CNTLN: variants seen among roughly 807,000 people sequenced by gnomAD.
CNTLN encodes the protein centlein.
A neutral mutation model predicts 180.0 loss-of-function variants in CNTLN; 212 were observed. That is an observed-to-expected ratio of 1.18 (90% CI 1.05 to 1.32). The LOEUF is 1.32. Among genes scored for constraint, CNTLN ranks in the 40% most tolerant of loss-of-function variants. The pLI, the probability that CNTLN is intolerant of heterozygous loss-of-function variation, is 0.00. For missense variants in CNTLN, 2,095 were observed against 1,610.9 expected (o/e 1.30, Z -5.14); for synonymous variants, 722 against 563.1 (o/e 1.28, Z -3.99).
At chr9:17,367,857 A>C (rs1365815428) in intron 13 of CNTLN, among the ~76,000 whole-genome samples, 2 of 149,504 alleles carry the variant, frequency 1.3e-5, no homozygotes, top group African/African-American at 4.9e-5. Context: ...CCCAGATGGT[A>C]CACTGTGGGT....
chr9:17,487,520 G>A (rs559104690), intron 25 of CNTLN, among the ~76,000 whole-genome samples: 8 of 152,154 alleles, frequency 5.3e-5, no homozygotes, highest in African/African-American at 9.6e-5. Context: ...GTGTCTTCCC[G>A]CATTCTCTAC....
chr9:17,326,303 A>G lies in CNTLN; in HGVS notation c.1342-4329A>G, dbSNP rs973134524. 3.3e-5 allele frequency among the ~76,000 whole-genome samples: 5 copies of G among 152,174 alleles called. No homozygotes were observed. The East Asian group carries it at 9.6e-4, about 29-fold the overall frequency. On this transcript the variant is annotated intron_variant, in intron 8 of 25. Transcript: ENST00000380647. ...GAGCAAAATATTTTTAATATTAGAGAAAAAAATTTATTTATAAAATGTGAA... is the reference window on the plus strand; with the variant it reads ...GAGCAAAATATTTTTAATATTAGAGGAAAAAATTTATTTATAAAATGTGAA...
chr9:17,423,217 G>A (rs1233632762), intron 18 of CNTLN, among the ~76,000 whole-genome samples: 3 of 152,136 alleles, frequency 2.0e-5, no homozygotes, highest in African/African-American at 4.8e-5. Flanking sequence ...GGCAACTAGT[G>A]CCTGGCTGCC....
At chr9:17,137,305 G>A (rs1445324954) in intron 1 of CNTLN, among the ~76,000 whole-genome samples, 1 of 152,156 alleles carries the variant, frequency 6.6e-6, no homozygotes, top group Non-Finnish European at 1.5e-5. Context: ...TCAGACTCCT[G>A]CTCTTCGGGA....
At chr9:17,202,214 T>C (rs564578872) in intron 2 of CNTLN, among the ~76,000 whole-genome samples, 18 of 152,312 alleles carry the variant, frequency 1.2e-4, no homozygotes, top group Non-Finnish European at 1.8e-4. Context: ...TATTATGATT[T>C]CTGTTTGTTT....
At chr9:17,323,402 G>A (rs929056179) in intron 8 of CNTLN, among the ~76,000 whole-genome samples, 2 of 152,240 alleles carry the variant, frequency 1.3e-5, no homozygotes, top group East Asian at 3.9e-4. Context: ...ATTAGCCATG[G>A]CACTCTCATT....
chr9:17,340,971 G>T lies in CNTLN; in HGVS notation c.1766+23G>T, dbSNP rs772670261. The T allele has an allele frequency of 1.9e-6, 3 of 1,586,158 alleles. No individual in the cohort carries two copies. In the Admixed American group the frequency reaches 5.4e-5, roughly 29 times the overall value. On this transcript the variant is annotated intron_variant, in intron 11 of 25. Coordinates refer to ENST00000380647, the MANE Select transcript of CNTLN (RefSeq NM_017738.4). Reference sequence around the variant, plus strand: ...CATGTGAGTTACATAGCTCATAAAGGCATTTCCCTAAATATTAAATGGAAT... The same window carrying T: ...CATGTGAGTTACATAGCTCATAAAGTCATTTCCCTAAATATTAAATGGAAT...
At chr9:17,487,841 A>G (rs1327252902) in intron 25 of CNTLN, among the ~76,000 whole-genome samples, 2 of 152,086 alleles carry the variant, frequency 1.3e-5, no homozygotes, top group Non-Finnish European at 2.9e-5. Flanking sequence ...AGGGCAGTTT[A>G]TTGGCAGGTG....
intron 2 of CNTLN, among the ~76,000 whole-genome samples, chr9:17,185,771 T>TTGTGTGTGTGTGTGTGTG (rs371473319): frequency 0.05 from 7,236 of 143,540 alleles, 250 homozygotes; most frequent in African/African-American, 0.095. Context: ...TGTTTCCCAT[T>TTGTGTGTGTGTGTGTGTG]TGTGTGTGTG....
At chr9:17,292,206 C>T (rs534860898) in intron 6 of CNTLN, among the ~76,000 whole-genome samples, 8 of 151,840 alleles carry the variant, frequency 5.3e-5, no homozygotes, top group African/African-American at 1.7e-4. Flanking sequence ...AGGTGATCTC[C>T]CCTTTCTCTC....
At chr9:17,197,371 A>C (rs1208200058) in intron 2 of CNTLN, among the ~76,000 whole-genome samples, 1 of 152,054 alleles carries the variant, frequency 6.6e-6, no homozygotes, top group African/African-American at 2.4e-5. Flanking sequence ...TTTGATTTGC[A>C]TTTCTCTGAT....
intron 5 of CNTLN, among the ~76,000 whole-genome samples, chr9:17,259,184 G>A (rs933008325): frequency 1.3e-5 from 2 of 149,382 alleles, no homozygotes; most frequent in Non-Finnish European, 2.9e-5. Flanking sequence ...TTAGCATGAA[G>A]GGTTGTTGAA....
Position 17,342,044 on chromosome 9 carries a change from T to C in CNTLN, c.1767-281T>C, listed in dbSNP as rs145105667. Among the ~76,000 whole-genome samples, 396 of 152,236 alleles carry C rather than the reference T, an allele frequency of 2.6e-3. 5 individuals are homozygous for C. The highest frequency in any genetic ancestry group is 9.1e-3 in the African/African-American group (379 of 41,544). ...GGGGGACCGTTAAAATTCTACAGTG[T>C]CTGTTTTCATTACTACTAGACTGAA... On this transcript the variant is annotated intron_variant, in intron 11 of 25. Coordinates refer to ENST00000380647, the MANE Select transcript of CNTLN (RefSeq NM_017738.4).
chr9:17,493,770 C>G (rs999725590), intron 25 of CNTLN, among the ~76,000 whole-genome samples: 2 of 152,218 alleles, frequency 1.3e-5, no homozygotes, highest in South Asian at 2.1e-4. Flanking sequence ...AGCATGAGCT[C>G]TGCCTTGTGG....
intron 5 of CNTLN, among the ~76,000 whole-genome samples, chr9:17,246,770 C>A (rs1344745753): frequency 1.3e-5 from 2 of 152,122 alleles, no homozygotes; most frequent in Non-Finnish European, 2.9e-5. Context: ...AAGTCCTTCC[C>A]ACTCTTCTCT....
the CNTLN span, among the ~76,000 whole-genome samples, chr9:17,509,575 T>C: frequency 3.9e-5 from 6 of 152,172 alleles, no homozygotes; most frequent in African/African-American, 7.2e-5. Flanking sequence ...TGGAATGGCC[T>C]TTTGAAGACT....
At chr9:17,144,465 G>A (rs1818310544) in intron 2 of CNTLN, among the ~76,000 whole-genome samples, 2 of 151,922 alleles carry the variant, frequency 1.3e-5, no homozygotes, top group African/African-American at 4.8e-5. Context: ...GACTTCAATT[G>A]TCATTTCCGT....
chr9:17,285,498 A>G (rs1192181652), intron 6 of CNTLN, among the ~76,000 whole-genome samples: 7 of 142,044 alleles, frequency 4.9e-5, no homozygotes, highest in Non-Finnish European at 9.0e-5. Flanking sequence ...AGCATGATTT[A>G]TAGTTCTTTG....
chr9:17,161,651 T>G (rs1241421505), intron 2 of CNTLN, among the ~76,000 whole-genome samples: 6 of 152,222 alleles, frequency 3.9e-5, no homozygotes, highest in Non-Finnish European at 8.8e-5. Context: ...CGTTATTTTT[T>G]CCATAAAGAA....
Sources: gnomAD v4.1 joint callset for allele counts (sites outside exome capture counted in the v4.1 genomes callset) on GRCh38, gnomAD v4.1.1 for gene constraint, MANE v1.5 for transcripts, NCBI Gene and HGNC (gene_info 2026-07-23, HGNC 2026-07-21) for gene names.